The following DIP2C variants were observed in gnomAD, a reference collection of about 807,000 sequenced individuals.
DIP2C encodes disco-interacting protein 2 homolog C.
In DIP2C, 33 loss-of-function variants were observed where a neutral mutation model predicts 192.4. The ratio of observed to expected loss-of-function variants is 0.17; its 90% CI spans 0.13 to 0.23. The LOEUF is 0.23. Ranked by LOEUF, DIP2C falls within the 10% of genes least tolerant of loss-of-function variation. DIP2C has a pLI of 1.00. For synonymous variants in DIP2C, 979 were observed against 864.1 expected, an observed-to-expected ratio of 1.13 and a Z score of -2.33; for missense variants, 1,537 against 2,110.1, an observed-to-expected ratio of 0.73 and a Z score of 5.32.
intron 1 of DIP2C, among the ~76,000 whole-genome samples, chr10:524,912 C>A (rs1336922933): frequency 7.1e-6 from 1 of 141,242 alleles, no homozygotes; most frequent in Non-Finnish European, 1.5e-5. Flanking sequence ...GCAGATGTTT[C>A]CAAAGCAATT....
At position 414,125 on chromosome 10, in the gene DIP2C, T is replaced by C; in HGVS notation, c.860-15A>G. On this transcript the variant is annotated splice_polypyrimidine_tract_variant and intron_variant, in intron 7 of 36. Coordinates refer to ENST00000280886, the MANE Select transcript of DIP2C (RefSeq NM_014974.3). ...CGGTTGTTGAACTAAATCGTTTGAA[T>C]ACAAGAGGTTACAAGAGAAATGCAT... 1 of 1,596,464 alleles carries C rather than the reference T, an allele frequency of 6.3e-7. No individual in the cohort carries two copies. Among genetic ancestry groups the C allele is most frequent in the Non-Finnish European group, 8.6e-7 (1 of 1,168,188 alleles).
chr10:281,140 T>A, intron 36 of DIP2C, 60 bp downstream of exon 36: 25 of 1,598,608 alleles, frequency 1.6e-5, no homozygotes, highest in Non-Finnish European at 2.1e-5. Context: ...CTCTCCACAT[T>A]CTCAATGCTT....
intron 19 of DIP2C, chr10:364,824 C>G: frequency 1.6e-6 from 1 of 624,460 alleles, no homozygotes; most frequent in Non-Finnish European, 3.0e-6. Context: ...CCTGCTGGAG[C>G]CTCCTGCCTC....
intron 10 of DIP2C, among the ~76,000 whole-genome samples, chr10:395,007 G>A (rs879521521): frequency 2.0e-5 from 3 of 151,584 alleles, no homozygotes; most frequent in Non-Finnish European, 4.4e-5. Context: ...TTAGGCTGCC[G>A]GAAATAAGCC....
At chr10:338,950 G>A (rs1958010943) in intron 29 of DIP2C, among the ~76,000 whole-genome samples, 1 of 150,734 alleles carries the variant, frequency 6.6e-6, no homozygotes, top group African/African-American at 2.4e-5. Flanking sequence ...CTCCCACAAT[G>A]CACCCTGCCT....
At chr10:501,086 G>A (rs531251442) in intron 1 of DIP2C, among the ~76,000 whole-genome samples, 13 of 152,242 alleles carry the variant, frequency 8.5e-5, no homozygotes, top group Middle Eastern at 3.4e-3. Flanking sequence ...AGTGAGCTGC[G>A]GGCAACCCTC....
intron 1 of DIP2C, among the ~76,000 whole-genome samples, chr10:546,109 C>G (rs1848271651): frequency 6.7e-6 from 1 of 148,994 alleles, no homozygotes; most frequent in South Asian, 2.1e-4. Flanking sequence ...TGGTGAAACC[C>G]CATCTCTACT....
At chr10:418,386 G>A (rs1386780882) in intron 6 of DIP2C, among the ~76,000 whole-genome samples, 2 of 150,608 alleles carry the variant, frequency 1.3e-5, no homozygotes, top group African/African-American at 4.9e-5. Context: ...ACCGCAAGAT[G>A]ACAGCATACC....
At chr10:586,562 G>A (rs894946916) in intron 1 of DIP2C, among the ~76,000 whole-genome samples, 1 of 152,182 alleles carries the variant, frequency 6.6e-6, no homozygotes, top group Non-Finnish European at 1.5e-5. Flanking sequence ...CTCGGAAGGT[G>A]CCCTCATTTA....
chr10:661,117 G>A (rs993268502), intron 1 of DIP2C, among the ~76,000 whole-genome samples: 8 of 152,186 alleles, frequency 5.3e-5, no homozygotes, highest in Admixed American at 3.9e-4. Flanking sequence ...GAGTCAACAC[G>A]CACAGTGTTG....
chr10:617,451 C>T (rs988286638), intron 1 of DIP2C, among the ~76,000 whole-genome samples: 2 of 152,170 alleles, frequency 1.3e-5, no homozygotes, highest in African/African-American at 4.8e-5. Context: ...TCACGGCATC[C>T]AGCACACGTG....
chr10:552,531 A>G lies in DIP2C; in HGVS notation c.86-66001T>C, dbSNP rs374889740. Among the ~76,000 whole-genome samples the G allele has an allele frequency of 1.1e-3, 161 of 152,360 alleles. 1 individual carries two copies. In the South Asian group the frequency reaches 0.033, roughly 31 times the overall value. ...TAAGTAATTCTGTTCAGTCTATTTCATTCCTCAAATGTAGCTTTCAAAAAG... is the reference window on the plus strand; with the variant it reads ...TAAGTAATTCTGTTCAGTCTATTTCGTTCCTCAAATGTAGCTTTCAAAAAG... On this transcript the variant is annotated intron_variant, in intron 1 of 36. Coordinates refer to ENST00000280886, the MANE Select transcript of DIP2C (RefSeq NM_014974.3).
intron 1 of DIP2C, among the ~76,000 whole-genome samples, chr10:645,300 C>A (rs76732524): frequency 2.0e-5 from 3 of 152,114 alleles, no homozygotes; most frequent in African/African-American, 7.2e-5. Context: ...TCAGAGTACA[C>A]CCCCTTATCA....
intron 2 of DIP2C, among the ~76,000 whole-genome samples, chr10:485,642 A>G (rs1298498640): frequency 1.3e-5 from 2 of 152,258 alleles, no homozygotes; most frequent in African/African-American, 2.4e-5. Flanking sequence ...GAAGAACAGA[A>G]TCGGGGTTTG....
At chr10:342,148 T>TA (rs1958179905) in intron 28 of DIP2C, among the ~76,000 whole-genome samples, 1 of 151,930 alleles carries the variant, frequency 6.6e-6, no homozygotes, top group African/African-American at 2.4e-5. Context: ...GGTTCTCGTG[T>TA]AACCCACTCT....
At chr10:286,419 A>G (rs1424587724) in intron 33 of DIP2C, 72 bp from the exon 34 acceptor site, 1 of 1,359,308 alleles carries the variant, frequency 7.4e-7, no homozygotes, top group East Asian at 2.3e-5. Flanking sequence ...GCCAACCTCA[A>G]TCTCATCTTT....
intron 1 of DIP2C, among the ~76,000 whole-genome samples, chr10:583,876 G>A (rs1011291916): frequency 2.6e-5 from 4 of 152,174 alleles, no homozygotes; most frequent in African/African-American, 7.2e-5. Flanking sequence ...ACAGCCAGAC[G>A]CCACTTCTCC....
chr10:339,792 G>A (rs536240664), intron 29 of DIP2C, among the ~76,000 whole-genome samples: 6 of 152,206 alleles, frequency 3.9e-5, no homozygotes, highest in Admixed American at 3.9e-4. Context: ...AAGCTGAATT[G>A]TCCTAATTAG....
chr10:328,932 T>C (rs1957385197), intron 30 of DIP2C, among the ~76,000 whole-genome samples: 1 of 152,224 alleles, frequency 6.6e-6, no homozygotes, highest in Non-Finnish European at 1.5e-5. Context: ...AATACTATTA[T>C]TCTTACATAA....
Sources: gnomAD v4.1 joint callset for allele counts (sites outside exome capture counted in the v4.1 genomes callset) on GRCh38, gnomAD v4.1.1 for gene constraint, MANE v1.5 for transcripts, NCBI Gene and HGNC (gene_info 2026-07-23, HGNC 2026-07-21) for gene names.